Variants in TCEA1 observed in about 807,000 individuals in gnomAD.
The protein encoded by TCEA1 is transcription elongation factor A1, also known as transcription elongation factor A protein 1.
In TCEA1, 21 loss-of-function variants were observed where a neutral mutation model predicts 43.8. The observed-to-expected ratio is 0.48, with a 90% CI of 0.34 to 0.69. The LOEUF (loss-of-function observed/expected upper bound fraction) is 0.69, where lower values mean the gene tolerates loss of function less well. TCEA1 is among the 30% of genes least tolerant of loss of function. The probability of loss-of-function intolerance (pLI) is 0.01; values close to 1 mark genes in which losing one functional copy is unlikely to be tolerated. For synonymous variants in TCEA1, 104 were observed against 117.5 expected (o/e 0.88, Z 0.75); for missense variants, 250 against 365.1 (o/e 0.68, Z 2.57).
intron 1 of TCEA1, among the ~76,000 whole-genome samples, chr8:54,012,711 C>G (rs1346405705): frequency 1.3e-5 from 2 of 151,704 alleles, no homozygotes; most frequent in African/African-American, 4.8e-5. Flanking sequence ...TATATCAGAC[C>G]CTAAGGGTTT....
rs961790070 is a variant in TCEA1, at chr8:53,967,618, G to A, written c.*486C>T. On this transcript the variant is annotated 3_prime_UTR_variant, in exon 10 of 10. Coordinates refer to ENST00000521604, the MANE Select transcript of TCEA1 (RefSeq NM_006756.4). ...TCAAAATTATGTACATTTTAGATAA[G>A]CTGGTCAAGTATTATTTGAATACAC... The A allele has an allele frequency of 2.0e-5, 4 of 201,684 alleles. No homozygotes were observed. The highest frequency in any genetic ancestry group is 6.0e-5 in the Admixed American group (1 of 16,668). 12.5% of individuals were successfully genotyped at this position (201,684 alleles called of 1,614,324 possible).
chr8:54,021,602 A>G (rs544067979), intron 1 of TCEA1: 1 of 153,548 alleles, frequency 6.5e-6, no homozygotes, highest in African/African-American at 2.4e-5. Flanking sequence ...AAAATAAGAC[A>G]CAGAAGTTTT....
chr8:54,016,093 A>C (rs1186593256), intron 1 of TCEA1, among the ~76,000 whole-genome samples: 1 of 152,208 alleles, frequency 6.6e-6, no homozygotes, highest in African/African-American at 2.4e-5. Flanking sequence ...GTGCAGCCAC[A>C]CTGGAAAGGT....
At chr8:53,975,517 A>G (rs1803304266) in intron 8 of TCEA1, among the ~76,000 whole-genome samples, 1 of 152,238 alleles carries the variant, frequency 6.6e-6, no homozygotes, top group Admixed American at 6.5e-5. Flanking sequence ...ATGAATATAC[A>G]AAATGTGGTA....
chr8:53,974,885 T>G (rs1433124743), intron 8 of TCEA1, among the ~76,000 whole-genome samples: 2 of 152,068 alleles, frequency 1.3e-5, no homozygotes, highest in Non-Finnish European at 2.9e-5. Context: ...GAGCAGTATC[T>G]ACGCTTGTTT....
intron 2 of TCEA1, among the ~76,000 whole-genome samples, chr8:54,006,682 C>T (rs991026382): frequency 6.6e-6 from 1 of 152,154 alleles, no homozygotes; most frequent in Admixed American, 6.5e-5. Flanking sequence ...TAAAGTTATG[C>T]CTTGGTAAGG....
At chr8:54,009,870 C>T (rs1563512397) in intron 2 of TCEA1, 1 of 151,966 alleles carries the variant, frequency 6.6e-6, no homozygotes, top group Non-Finnish European at 1.5e-5. Flanking sequence ...TGAGGGATAC[C>T]CTAAATAACC....
chr8:53,994,833 T>C (rs1184963301), intron 3 of TCEA1, among the ~76,000 whole-genome samples: 1 of 151,106 alleles, frequency 6.6e-6, no homozygotes, highest in Non-Finnish European at 1.5e-5. Flanking sequence ...ATCATACCAC[T>C]GCACTCCAGC....
chr8:54,022,138 T>A lies in TCEA1; in HGVS notation c.-13A>T. The A allele has an allele frequency of 6.3e-7, 1 of 1,579,898 alleles. No individual in the cohort carries two copies. Among genetic ancestry groups the A allele is most frequent in the Admixed American group, 1.7e-5 (1 of 58,814 alleles). ...CTTCGTCCTCCATGGCTCCGGCAGGTCTTCTCCGCGCCCACCCCGCTGGCA... is the reference window on the plus strand; with the variant it reads ...CTTCGTCCTCCATGGCTCCGGCAGGACTTCTCCGCGCCCACCCCGCTGGCA... On this transcript the variant is annotated 5_prime_UTR_variant, in exon 1 of 10. Transcript: ENST00000521604.
At chr8:53,996,615 A>C (rs1211119989) in intron 3 of TCEA1, among the ~76,000 whole-genome samples, 1 of 152,176 alleles carries the variant, frequency 6.6e-6, no homozygotes, top group African/African-American at 2.4e-5. Flanking sequence ...ATAAAGTTAA[A>C]AACAAGAAAT....
At chr8:53,970,274 A>G (rs904797659) in intron 9 of TCEA1, 118 bp downstream of exon 9, 4 of 772,504 alleles carry the variant, frequency 5.2e-6, no homozygotes, top group Non-Finnish European at 9.5e-6. Context: ...GTACAAGAGT[A>G]CTGTATAGTG....
intron 2 of TCEA1, among the ~76,000 whole-genome samples, chr8:54,001,730 G>A (rs1804270412): frequency 6.6e-6 from 1 of 152,080 alleles, no homozygotes; most frequent in South Asian, 2.1e-4. Context: ...AATTATCAGA[G>A]GATGTTTTGA....
At chr8:54,012,913 G>A (rs1338252702) in intron 1 of TCEA1, among the ~76,000 whole-genome samples, 3 of 143,416 alleles carry the variant, frequency 2.1e-5, no homozygotes, top group Admixed American at 7.3e-5. Context: ...AGCCTGTGTG[G>A]ACAGAGTGAG....
intron 1 of TCEA1, among the ~76,000 whole-genome samples, chr8:54,013,262 T>C (rs1449529203): frequency 1.3e-5 from 2 of 152,154 alleles, no homozygotes; most frequent in African/African-American, 2.4e-5. Flanking sequence ...GAGGCCATGG[T>C]TGGAATAAAA....
At position 53,966,928 on chromosome 8, in the gene TCEA1, C is replaced by A. The variant is rs1442853934; in HGVS notation, c.*1176G>T. The A allele has an allele frequency of 4.9e-6, 1 of 202,746 alleles. No homozygotes were observed. The highest frequency in any genetic ancestry group is 7.7e-5 in the East Asian group (1 of 13,036). The allele number at this position is 202,746 out of a possible 1,614,324, so 12.6% of individuals were successfully genotyped here. A position where few individuals can be genotyped will look rare whatever the true frequency, so the allele number is the denominator to read the frequency against. ...TTTAAAGTATGCTAGAGCAAGTGTA[C>A]CCTAGGGAACCTATGTCAAAACAAT... On this transcript the variant is annotated 3_prime_UTR_variant, in exon 10 of 10. Coordinates refer to ENST00000521604, the MANE Select transcript of TCEA1 (RefSeq NM_006756.4).
At chr8:53,984,775 C>T (rs573877401) in intron 6 of TCEA1, among the ~76,000 whole-genome samples, 2 of 151,632 alleles carry the variant, frequency 1.3e-5, no homozygotes, top group Admixed American at 6.6e-5. Flanking sequence ...CCCAGCTACT[C>T]GGGAGGCTGA....
chr8:53,999,025 G>C (rs567053555), intron 3 of TCEA1, among the ~76,000 whole-genome samples: 11 of 152,036 alleles, frequency 7.2e-5, no homozygotes, highest in Non-Finnish European at 1.5e-4. Flanking sequence ...TCAGGTGATC[G>C]AGACCACCCT....
At chr8:53,988,326 T>A (rs1240037213) in intron 4 of TCEA1, 67 bp from the exon 5 acceptor site, 2 of 1,534,196 alleles carry the variant, frequency 1.3e-6, no homozygotes, top group Non-Finnish European at 1.8e-6. Context: ...AATACTACTA[T>A]CATGCTGTAA....
chr8:54,021,334 CA>C (rs551909240), intron 1 of TCEA1, among the ~76,000 whole-genome samples: 28 of 151,854 alleles, frequency 1.8e-4, no homozygotes, highest in Admixed American at 1.8e-3. Flanking sequence ...TCATCAATAA[CA>C]AAAAAAATGC....
Sources: allele counts gnomAD v4.1 joint callset (sites outside exome capture counted in the v4.1 genomes callset), GRCh38; gene constraint gnomAD v4.1.1; transcripts MANE v1.5; gene names NCBI Gene and HGNC (gene_info 2026-07-23, HGNC 2026-07-21).